Variants in PTPRN2 observed in about 807,000 individuals in gnomAD.
PTPRN2 encodes the protein receptor-type tyrosine-protein phosphatase N2.
PTPRN2 carries 74 observed loss-of-function variants against 118.8 expected under a neutral mutation model. The observed-to-expected ratio is 0.62, with a 90% CI of 0.52 to 0.76. The LOEUF is 0.76. Ranked by LOEUF, PTPRN2 falls within the 30% of genes least tolerant of loss-of-function variation. The pLI is 0.00. For missense variants in PTPRN2, 1,481 were observed against 1,394.4 expected (o/e 1.06, Z -0.99); for synonymous variants, 641 against 608.0 (o/e 1.05, Z -0.80).
chr7:157,809,071 T>A (rs952378919), intron 12 of PTPRN2, among the ~76,000 whole-genome samples: 1 of 152,182 alleles, frequency 6.6e-6, no homozygotes, highest in Non-Finnish European at 1.5e-5. Flanking sequence ...TTTATTTTAA[T>A]GTGCACGAGA....
Position 158,498,403 on chromosome 7 carries a change from C to T in PTPRN2, c.113-8618G>A, listed in dbSNP as rs571013153. On this transcript the variant is annotated intron_variant, in intron 1 of 22. Transcript: ENST00000389418. Reference sequence around the variant, plus strand: ...ATTGTACCAAATTCAGGATACCTACCAGAATTGTTTGTTTTATTTTTAAAG... The same window carrying T: ...ATTGTACCAAATTCAGGATACCTACTAGAATTGTTTGTTTTATTTTTAAAG... Among the ~76,000 whole-genome samples the T allele has an allele frequency of 3.0e-3, 455 of 152,238 alleles. 1 individual carries two copies. Among genetic ancestry groups the T allele is most frequent in the Non-Finnish European group, 4.5e-3 (305 of 68,024 alleles).
At chr7:158,372,224 A>G (rs1810066092) in intron 2 of PTPRN2, among the ~76,000 whole-genome samples, 1 of 149,322 alleles carries the variant, frequency 6.7e-6, no homozygotes, top group African/African-American at 2.5e-5. Flanking sequence ...GGACACCCCC[A>G]GGCTGGACCC....
At chr7:157,943,174 T>C (rs1430029073) in intron 11 of PTPRN2, among the ~76,000 whole-genome samples, 1 of 152,152 alleles carries the variant, frequency 6.6e-6, no homozygotes, top group South Asian at 2.1e-4. Flanking sequence ...ACAACACACA[T>C]TCCACTAGCC....
In PTPRN2 at chr7:158,439,334, C is replaced by T. The variant is rs567037334; in HGVS notation, c.163+50401G>A. 2.2e-4 allele frequency among the ~76,000 whole-genome samples: 33 copies of T among 152,322 alleles called. No homozygotes were observed. The East Asian group carries it at 6.0e-3, about 28-fold the overall frequency. ...GAGGCTGTATCATGGATGCATCCTT[C>T]ACCTTGCCAAAATACTTTCTAAATT... On this transcript the variant is annotated intron_variant, in intron 2 of 22. Transcript: ENST00000389418.
intron 11 of PTPRN2, among the ~76,000 whole-genome samples, chr7:157,984,811 C>A (rs1340703407): frequency 6.6e-6 from 1 of 152,204 alleles, no homozygotes; most frequent in African/African-American, 2.4e-5. Flanking sequence ...AGTCACAGGA[C>A]GTGGCGAGCC....
At chr7:158,217,133 A>C (rs1336017085) in intron 3 of PTPRN2, among the ~76,000 whole-genome samples, 1 of 152,228 alleles carries the variant, frequency 6.6e-6, no homozygotes, top group African/African-American at 2.4e-5. Context: ...CACTTTTGCC[A>C]GTGGCCCCCA....
At chr7:158,200,672 A>T (rs1183862618) in intron 4 of PTPRN2, among the ~76,000 whole-genome samples, 1 of 152,250 alleles carries the variant, frequency 6.6e-6, no homozygotes, top group African/African-American at 2.4e-5. Flanking sequence ...AGAAAACCTC[A>T]AAATTACCAA....
chr7:157,916,727 T>A (rs1798419999), intron 11 of PTPRN2, among the ~76,000 whole-genome samples: 1 of 150,884 alleles, frequency 6.6e-6, no homozygotes, highest in Non-Finnish European at 1.5e-5. Context: ...CGGCTGAAGG[T>A]CCCCACCATG....
chr7:157,839,842 T>TGTGTGGCCAC (rs1294215376), intron 12 of PTPRN2, among the ~76,000 whole-genome samples: 2 of 149,744 alleles, frequency 1.3e-5, no homozygotes, highest in East Asian at 2.0e-4. Flanking sequence ...CACGTGTGAC[T>TGTGTGGCCAC]GTGTGACTGT....
intron 17 of PTPRN2, among the ~76,000 whole-genome samples, chr7:157,579,532 A>G (rs1800234853): frequency 6.6e-6 from 1 of 152,244 alleles, no homozygotes; most frequent in South Asian, 2.1e-4. Context: ...TGTAATAAAA[A>G]TACAATGATC....
Position 158,127,115 on chromosome 7 carries a change from C to T in PTPRN2, c.1556+6562G>A, listed in dbSNP as rs529056083. Among the ~76,000 whole-genome samples, 18 of 152,324 alleles carry T rather than the reference C, an allele frequency of 1.2e-4. No individual in the cohort carries two copies. In the South Asian group the frequency reaches 1.9e-3, roughly 16 times the overall value. ...CATTGAGAGGCATCGGAGAGGTCAACGCCGCCCCATGCCACTTTTTGCACA... is the reference window on the plus strand; with the variant it reads ...CATTGAGAGGCATCGGAGAGGTCAATGCCGCCCCATGCCACTTTTTGCACA... On this transcript the variant is annotated intron_variant, in intron 9 of 22. Coordinates refer to ENST00000389418, the MANE Select transcript of PTPRN2 (RefSeq NM_002847.5).
chr7:158,557,496 G>A (rs1221415940), intron 1 of PTPRN2, among the ~76,000 whole-genome samples: 2 of 152,234 alleles, frequency 1.3e-5, no homozygotes, highest in Non-Finnish European at 1.5e-5. Flanking sequence ...TCGCTTCTTG[G>A]CCCTGCAGGT....
chr7:157,838,466 G>T (rs1808145152), intron 12 of PTPRN2, among the ~76,000 whole-genome samples: 1 of 92,188 alleles, frequency 1.1e-5, no homozygotes, highest in Non-Finnish European at 2.2e-5. Context: ...CTCTCATAGT[G>T]GATGGCACGG....
At chr7:158,488,831 G>C (rs1016520766) in intron 2 of PTPRN2, among the ~76,000 whole-genome samples, 4 of 152,276 alleles carry the variant, frequency 2.6e-5, no homozygotes, top group African/African-American at 4.8e-5. Context: ...CGCTCAGTGC[G>C]CCCCGGGCCC....
At chr7:158,383,082 T>G (rs771599259) in intron 2 of PTPRN2, among the ~76,000 whole-genome samples, 1 of 152,150 alleles carries the variant, frequency 6.6e-6, no homozygotes, top group Non-Finnish European at 1.5e-5. Flanking sequence ...ATGTTCATCA[T>G]GACATGATGC....
At chr7:158,354,003 C>T (rs866799199) in intron 2 of PTPRN2, among the ~76,000 whole-genome samples, 4 of 152,332 alleles carry the variant, frequency 2.6e-5, no homozygotes, top group Middle Eastern at 6.8e-3. Flanking sequence ...ATCAGAGTGG[C>T]CACTCGCAGC....
chr7:157,612,941 C>T (rs1469222566), intron 15 of PTPRN2, among the ~76,000 whole-genome samples: 1 of 152,168 alleles, frequency 6.6e-6, no homozygotes, highest in African/African-American at 2.4e-5. Context: ...CCCCGCCTCC[C>T]CGCCCGGGTC....
At chr7:158,331,735 C>T (rs1488273698) in intron 2 of PTPRN2, among the ~76,000 whole-genome samples, 1 of 151,044 alleles carries the variant, frequency 6.6e-6, no homozygotes, top group Non-Finnish European at 1.5e-5. Flanking sequence ...TAAGAGCTGA[C>T]ACCTGCAGAC....
In PTPRN2 at chr7:157,975,278, T is replaced by C. The variant is rs1802658218; in HGVS notation, c.1724-76541A>G. Among the ~76,000 whole-genome samples, 5 of 152,156 alleles carry C rather than the reference T, an allele frequency of 3.3e-5. No individual in the cohort carries two copies. The South Asian group carries it at 1.0e-3, about 32-fold the overall frequency. On this transcript the variant is annotated intron_variant, in intron 11 of 22. Coordinates refer to ENST00000389418, the MANE Select transcript of PTPRN2 (RefSeq NM_002847.5). ...TGGATCCGAGCATCTGCACCCTGTA[T>C]CCGTTTCTCTAACCCAGATTTCCTT...
Sources: gnomAD v4.1 joint callset for allele counts (sites outside exome capture counted in the v4.1 genomes callset) on GRCh38, gnomAD v4.1.1 for gene constraint, MANE v1.5 for transcripts, NCBI Gene and HGNC (gene_info 2026-07-23, HGNC 2026-07-21) for gene names.